Variants in MB21D2 observed in about 807,000 individuals in gnomAD.
MB21D2 encodes the protein Mab-21 domain containing 2, also known as nucleotidyltransferase MB21D2.
Under a neutral mutation model 33.3 loss-of-function variants are expected in MB21D2, and 9 were observed. That is an observed-to-expected ratio of 0.27 (90% CI 0.16 to 0.47). The LOEUF (loss-of-function observed/expected upper bound fraction) is 0.47, where lower values mean the gene tolerates loss of function less well. Among genes scored for constraint, MB21D2 ranks in the 20% least tolerant of loss-of-function variants. The pLI is 0.99. For missense variants in MB21D2, 540 were observed against 624.6 expected, an observed-to-expected ratio of 0.86 and a Z score of 1.44; for synonymous variants, 241 against 236.3, an observed-to-expected ratio of 1.02 and a Z score of -0.18.
Position 192,798,952 on chromosome 3 carries a change from T to C in MB21D2, c.910A>G (p.Ser304Gly), listed in dbSNP as rs755035776. ...SEVQLKKCIS[S>G]SLMQAYQACK... is the part of the protein sequence containing the mutation. ...GCCTGATAGGCCTGCATGAGGCTGCTGGAGATGCACTTCTTCAACTGCACC... is the reference window on the plus strand; with the variant it reads ...GCCTGATAGGCCTGCATGAGGCTGCCGGAGATGCACTTCTTCAACTGCACC... Residue 304 changes from serine (S) to glycine (G), a missense_variant, in exon 2 of 2, where the codon AGC (serine) becomes GGC (glycine). Physicochemically the swap from Ser to Gly is moderately conservative, Grantham distance 56. Transcript: ENST00000392452. This position sits in a 1 kb window ranked among gnomAD's most constrained non-coding sequence, Gnocchi z 4.8. 1 of 1,614,044 alleles carries C rather than the reference T, an allele frequency of 6.2e-7. No homozygotes were observed. Among genetic ancestry groups the C allele is most frequent in the South Asian group, 1.1e-5 (1 of 91,068 alleles).
At chr3:192,872,946 C>G (rs936143622) in intron 1 of MB21D2, among the ~76,000 whole-genome samples, 3 of 152,120 alleles carry the variant, frequency 2.0e-5, no homozygotes, top group Non-Finnish European at 4.4e-5. Flanking sequence ...CTTAACCCAA[C>G]AGATCCCAAA....
intron 1 of MB21D2, among the ~76,000 whole-genome samples, chr3:192,809,825 T>C (rs1711748354): frequency 6.6e-6 from 1 of 152,228 alleles, no homozygotes; most frequent in Non-Finnish European, 1.5e-5. Context: ...TGCATCTGTG[T>C]TGCACACTTA....
chr3:192,799,378 T>C lies in MB21D2; in HGVS notation c.484A>G (p.Lys162Glu), dbSNP rs776736008. 1.2e-6 allele frequency: 2 copies of C among 1,614,216 alleles called. No homozygotes were observed. Among genetic ancestry groups the C allele is most frequent in the South Asian group, 2.2e-5 (2 of 91,086 alleles). ...LFDEGTISKW[K>E]DCCTIVDHIN... The stretch of plus-strand genomic sequence containing the variant: ...TGATCTACAATGGTGCAGCAGTCTT[T>C]CCATTTACTGATTGTCCCCTCATCA... The change falls in exon 2 of 2, where the codon AAA becomes GAA. Residue 162 changes from lysine to glutamate, a missense_variant. Coordinates refer to ENST00000392452, the MANE Select transcript of MB21D2 (RefSeq NM_178496.4). This position sits in a 1 kb window ranked among gnomAD's most constrained non-coding sequence, Gnocchi z 4.1.
In MB21D2 at chr3:192,852,429, T is replaced by C. The variant is rs113467087; in HGVS notation, c.212-52779A>G. On this transcript the variant is annotated intron_variant, in intron 1 of 1. Transcript: ENST00000392452. ...ACAGTCAGTAAAGTATTCTTAAATA[T>C]ATTCTAGCACTCAGCTGAACCACCT... Among the ~76,000 whole-genome samples, 470 of 152,344 alleles carry C rather than the reference T, an allele frequency of 3.1e-3. 5 individuals carry two copies. Among genetic ancestry groups the C allele is most frequent in the African/African-American group, 0.011 (450 of 41,576 alleles).
intron 1 of MB21D2, among the ~76,000 whole-genome samples, chr3:192,814,508 CG>C (rs1334440682): frequency 2.0e-5 from 3 of 152,074 alleles, no homozygotes; most frequent in African/African-American, 7.2e-5. Context: ...TTTAAAAGCA[CG>C]GGTAGATCAT....
intron 1 of MB21D2, among the ~76,000 whole-genome samples, chr3:192,860,857 C>T (rs1713026428): frequency 6.6e-6 from 1 of 152,204 alleles, no homozygotes; most frequent in African/African-American, 2.4e-5. Context: ...GTTTTAAATA[C>T]CAATTCTGTG....
intron 1 of MB21D2, among the ~76,000 whole-genome samples, chr3:192,810,884 TG>T (rs1711771442): frequency 2.6e-5 from 1 of 38,272 alleles, no homozygotes; most frequent in South Asian, 1.2e-3. Context: ...AGTATGCTTG[TG>T]TGTGTGTGTG....
At chr3:192,862,916 C>T (rs1713082151) in intron 1 of MB21D2, among the ~76,000 whole-genome samples, 1 of 152,174 alleles carries the variant, frequency 6.6e-6, no homozygotes, top group African/African-American at 2.4e-5. Flanking sequence ...AAATGGTGCC[C>T]TGTTGCTGCA....
Position 192,838,428 on chromosome 3 carries a change from C to CT in MB21D2, c.212-38779dup, listed in dbSNP as rs55769534. Among the ~76,000 whole-genome samples, 348 of 124,126 alleles carry CT rather than the reference C, an allele frequency of 2.8e-3. 4 individuals carry two copies. The highest frequency in any genetic ancestry group is 0.018 in the East Asian group (69 of 3,890). The allele number at this position is 124,126 out of a possible 152,430, so 81.4% of individuals were successfully genotyped here. A position where few individuals can be genotyped will look rare whatever the true frequency, so the allele number is the denominator to read the frequency against. ...AAGTGAGTATTAAATAATCTGTGGA[C>CT]TTTTTTTTTTTTTTTTTTGAGATGG... On this transcript the variant is annotated intron_variant, in intron 1 of 1. Transcript: ENST00000392452.
chr3:192,866,790 TC>T (rs1713176834), intron 1 of MB21D2, among the ~76,000 whole-genome samples: 1 of 152,146 alleles, frequency 6.6e-6, no homozygotes, highest in Non-Finnish European at 1.5e-5. Flanking sequence ...AGAAGAAAGT[TC>T]CCATCTTTAG....
At chr3:192,812,654 G>T (rs1391094856) in intron 1 of MB21D2, among the ~76,000 whole-genome samples, 1 of 152,080 alleles carries the variant, frequency 6.6e-6, no homozygotes, top group Non-Finnish European at 1.5e-5. Context: ...GAGAAGCTAG[G>T]GGCTTGTTCA....
chr3:192,831,793 G>C, intron 1 of MB21D2, among the ~76,000 whole-genome samples: 1 of 152,230 alleles, frequency 6.6e-6, no homozygotes, highest in East Asian at 1.9e-4. Context: ...ACTACACAGA[G>C]ATGGTGTAAG....
At position 192,916,642 on chromosome 3, in the gene MB21D2, CAA is replaced by C. The variant is rs372892655; in HGVS notation, c.211+986_211+987del. On this transcript the variant is annotated intron_variant, in intron 1 of 1. Transcript: ENST00000392452. ...CGCAAGTTACAACCCAGGCGCCTGGCAAACTCACACTACACCTCAGTAGCAAT... is the reference window on the plus strand; with the variant it reads ...CGCAAGTTACAACCCAGGCGCCTGGCACTCACACTACACCTCAGTAGCAAT... Among the ~76,000 whole-genome samples the C allele has an allele frequency of 5.4e-3, 816 of 152,338 alleles. 4 individuals carry two copies. The highest frequency in any genetic ancestry group is 8.6e-3 in the Non-Finnish European group (585 of 68,030).
At chr3:192,805,244 C>A (rs189695694) in intron 1 of MB21D2, among the ~76,000 whole-genome samples, 1,636 of 152,276 alleles carry the variant, frequency 0.011, 12 homozygotes, top group Non-Finnish European at 0.019. Flanking sequence ...CATGTCTGAC[C>A]ATCCACATTT....
chr3:192,816,224 A>T (rs543438061), intron 1 of MB21D2, among the ~76,000 whole-genome samples: 2,545 of 59,400 alleles, frequency 0.043, 38 homozygotes, highest in African/African-American at 0.091. Context: ...TTTTTTTTTT[A>T]AAAAAAAAGA....
At chr3:192,821,819 G>C (rs1438437539) in intron 1 of MB21D2, among the ~76,000 whole-genome samples, 1 of 152,122 alleles carries the variant, frequency 6.6e-6, no homozygotes, top group African/African-American at 2.4e-5. Context: ...AAGGTCCTGA[G>C]GACAGAAGTA....
intron 1 of MB21D2, among the ~76,000 whole-genome samples, chr3:192,825,995 T>C (rs1370055247): frequency 6.6e-6 from 1 of 152,226 alleles, no homozygotes; most frequent in Non-Finnish European, 1.5e-5. Flanking sequence ...TGGTGTGGTC[T>C]AGCAGCAACA....
intron 1 of MB21D2, among the ~76,000 whole-genome samples, chr3:192,869,395 T>G (rs992775851): frequency 6.6e-6 from 1 of 151,610 alleles, no homozygotes; most frequent in African/African-American, 2.4e-5. Context: ...TGGAATAATG[T>G]GATAGGCTTG....
At chr3:192,862,367 T>A (rs1174258803) in intron 1 of MB21D2, among the ~76,000 whole-genome samples, 1 of 152,214 alleles carries the variant, frequency 6.6e-6, no homozygotes, top group African/African-American at 2.4e-5. Context: ...TATTCCATGT[T>A]CATTCGAATT....
Sources: allele counts gnomAD v4.1 joint callset (sites outside exome capture counted in the v4.1 genomes callset), GRCh38; gene constraint gnomAD v4.1.1; non-coding constraint Gnocchi (gnomAD v3.1); transcripts MANE v1.5; gene names NCBI Gene and HGNC (gene_info 2026-07-23, HGNC 2026-07-21).